Variants in IQSEC1 observed in about 807,000 individuals in gnomAD.
The protein encoded by IQSEC1 is IQ motif and Sec7 domain ArfGEF 1.
Under a neutral mutation model 91.0 loss-of-function variants are expected in IQSEC1, and 31 were observed. That is an observed-to-expected ratio of 0.34 (90% CI 0.26 to 0.46). IQSEC1 has a LOEUF of 0.46. Ranked by LOEUF, IQSEC1 falls within the 20% of genes least tolerant of loss-of-function variation. The pLI, the probability that IQSEC1 is intolerant of heterozygous loss-of-function variation, is 1.00. For synonymous variants in IQSEC1, 699 were observed against 662.6 expected, an observed-to-expected ratio of 1.05 and a Z score of -0.84; for missense variants, 1,388 against 1,575.6, an observed-to-expected ratio of 0.88 and a Z score of 2.02.
intron 1 of IQSEC1, among the ~76,000 whole-genome samples, chr3:13,250,161 C>T (rs1046249380): frequency 6.6e-6 from 1 of 152,192 alleles, no homozygotes; most frequent in African/African-American, 2.4e-5. Context: ...TCAGGGGACA[C>T]AGCAAACAGT....
chr3:12,941,718 C>A lies in IQSEC1; in HGVS notation c.171G>T (p.Gly57=). The change falls in exon 2 of 14, where the codon GGG becomes GGT. Residue 57 remains glycine (G), a synonymous_variant. Coordinates refer to ENST00000613206, the MANE Select transcript of IQSEC1 (RefSeq NM_001134382.3). ...GCGTGCGCTGCTGTTGCCCCGGCGG[C>A]CCCGAGTACAGCCCATAGGCTCCCA... ...TSVGAYGLYS[G]PPGQQQRTRR... The A allele has an allele frequency of 6.2e-7, 1 of 1,612,584 alleles. No individual in the cohort carries two copies. Among genetic ancestry groups the A allele is most frequent in the Non-Finnish European group, 8.5e-7 (1 of 1,179,978 alleles).
intron 2 of IQSEC1, among the ~76,000 whole-genome samples, chr3:13,104,632 C>T (rs928325723): frequency 2.0e-5 from 3 of 152,188 alleles, no homozygotes; most frequent in African/African-American, 7.2e-5. Context: ...GTCTCCCTCC[C>T]CCACCTCTCC....
At chr3:13,098,710 A>G (rs115673369) in intron 2 of IQSEC1, among the ~76,000 whole-genome samples, 2,089 of 152,322 alleles carry the variant, frequency 0.014, 53 homozygotes, top group African/African-American at 0.048. Flanking sequence ...AGGCCAGTGT[A>G]TATGGTTCCA....
intron 1 of IQSEC1, among the ~76,000 whole-genome samples, chr3:13,016,182 G>T (rs548191661): frequency 1.3e-5 from 2 of 152,348 alleles, no homozygotes; most frequent in African/African-American, 4.8e-5. Flanking sequence ...GCCATCTGGA[G>T]AGCCGCCACC....
intron 2 of IQSEC1, among the ~76,000 whole-genome samples, chr3:13,136,976 T>TA (rs1330203946): frequency 6.6e-6 from 1 of 152,028 alleles, no homozygotes; most frequent in Middle Eastern, 3.2e-3. Flanking sequence ...TGTCTCTAAA[T>TA]AAAATGAAAA....
intron 1 of IQSEC1, among the ~76,000 whole-genome samples, chr3:12,951,064 T>A (rs1409623224): frequency 6.6e-6 from 1 of 152,134 alleles, no homozygotes; most frequent in Non-Finnish European, 1.5e-5. Context: ...TTAGCTATGA[T>A]GACATGACTG....
chr3:13,153,394 G>A (rs1415648068), intron 2 of IQSEC1, among the ~76,000 whole-genome samples: 1 of 152,218 alleles, frequency 6.6e-6, no homozygotes, highest in Non-Finnish European at 1.5e-5. Context: ...CAGGCCTGAA[G>A]GTCCTGGAAG....
chr3:13,196,425 C>T (rs963147450), intron 1 of IQSEC1, among the ~76,000 whole-genome samples: 1 of 152,234 alleles, frequency 6.6e-6, no homozygotes, highest in Non-Finnish European at 1.5e-5. Context: ...GTTTGGCAAG[C>T]TTTGTTCCCC....
At chr3:13,043,630 A>G (rs1040343984) in intron 1 of IQSEC1, among the ~76,000 whole-genome samples, 1 of 150,776 alleles carries the variant, frequency 6.6e-6, no homozygotes, top group Non-Finnish European at 1.5e-5. Flanking sequence ...CTGCTTTTGC[A>G]TGTTTACTTG....
At chr3:13,206,887 G>A (rs930369386) in intron 1 of IQSEC1, among the ~76,000 whole-genome samples, 1 of 152,112 alleles carries the variant, frequency 6.6e-6, no homozygotes, top group African/African-American at 2.4e-5. Context: ...GCTGCATTCC[G>A]TGTACCTGAG....
At chr3:13,128,876 CAAAAAAA>C (rs34011478) in intron 2 of IQSEC1, among the ~76,000 whole-genome samples, 2 of 87,456 alleles carry the variant, frequency 2.3e-5, no homozygotes, top group Non-Finnish European at 4.5e-5. Flanking sequence ...GACTCTGTCT[CAAAAAAA>C]AAAAAAAAAA....
intron 2 of IQSEC1, among the ~76,000 whole-genome samples, chr3:13,147,380 T>C (rs1706916285): frequency 7.0e-6 from 1 of 143,354 alleles, no homozygotes; most frequent in Non-Finnish European, 1.5e-5. Context: ...TATGTACTCA[T>C]AGTTTAGCTC....
intron 2 of IQSEC1, among the ~76,000 whole-genome samples, chr3:13,162,228 G>C (rs1394512925): frequency 6.6e-6 from 1 of 152,218 alleles, no homozygotes; most frequent in African/African-American, 2.4e-5. Flanking sequence ...GAGGGTTTCA[G>C]GTAAGCAGCT....
At chr3:13,234,166 A>C (rs979690064) in intron 1 of IQSEC1, among the ~76,000 whole-genome samples, 1 of 147,566 alleles carries the variant, frequency 6.8e-6, no homozygotes, top group African/African-American at 2.5e-5. Flanking sequence ...CCCAGTGTCT[A>C]TGTGGGTCTG....
chr3:13,249,507 A>G (rs1230641752), intron 1 of IQSEC1, among the ~76,000 whole-genome samples: 1 of 152,030 alleles, frequency 6.6e-6, no homozygotes, highest in African/African-American at 2.4e-5. Context: ...AAATGCTTTC[A>G]CTGAAGAGAG....
chr3:13,244,749 T>C (rs944932305), intron 1 of IQSEC1, among the ~76,000 whole-genome samples: 1 of 152,086 alleles, frequency 6.6e-6, no homozygotes, highest in East Asian at 1.9e-4. Context: ...GCAGAAGACT[T>C]TGGAGAAGAC....
At chr3:12,917,705 C>T (rs766090840) in intron 6 of IQSEC1, among the ~76,000 whole-genome samples, 3 of 152,168 alleles carry the variant, frequency 2.0e-5, no homozygotes, top group East Asian at 3.8e-4. Context: ...TATAAGTATC[C>T]GTGTGCAGGT....
chr3:12,945,406 G>A (rs932476403), intron 1 of IQSEC1, among the ~76,000 whole-genome samples: 3 of 152,084 alleles, frequency 2.0e-5, no homozygotes, highest in Non-Finnish European at 2.9e-5. Context: ...CTGGAGCCAG[G>A]GTCCTGGGGG....
chr3:12,920,599 G>A lies in IQSEC1; in HGVS notation c.1854-3C>T. ...GGTTGCAGATGCAGTAGCGCTGGCT[G>A]CGGGCCGGGAGGGAGGGGGTCAGGG... On this transcript the variant is annotated splice_region_variant and splice_polypyrimidine_tract_variant and intron_variant, in intron 5 of 13. Coordinates refer to ENST00000613206, the MANE Select transcript of IQSEC1 (RefSeq NM_001134382.3). The A allele has an allele frequency of 6.2e-7, 1 of 1,613,898 alleles. No individual in the cohort carries two copies. Among genetic ancestry groups the A allele is most frequent in the Non-Finnish European group, 8.5e-7 (1 of 1,179,968 alleles).
Sources: gnomAD v4.1 joint callset for allele counts (sites outside exome capture counted in the v4.1 genomes callset) on GRCh38, gnomAD v4.1.1 for gene constraint, MANE v1.5 for transcripts, NCBI Gene and HGNC (gene_info 2026-07-23, HGNC 2026-07-21) for gene names.